GNB4: variants seen among roughly 807,000 people sequenced by gnomAD.
GNB4 encodes the protein guanine nucleotide-binding protein subunit beta-4.
A neutral mutation model predicts 45.2 loss-of-function variants in GNB4; 28 were observed. The ratio of observed to expected loss-of-function variants is 0.62; its 90% CI spans 0.46 to 0.85. The LOEUF (loss-of-function observed/expected upper bound fraction) is 0.85, where lower values mean the gene tolerates loss of function less well. Ranked by LOEUF, GNB4 falls within the 40% of genes least tolerant of loss-of-function variation. The pLI, the probability that GNB4 is intolerant of heterozygous loss-of-function variation, is 0.00. For missense variants in GNB4, 321 were observed against 425.4 expected, an observed-to-expected ratio of 0.75 and a Z score of 2.16; for synonymous variants, 132 against 143.7, an observed-to-expected ratio of 0.92 and a Z score of 0.58.
At chr3:179,438,220 A>C (rs1052079872) in intron 1 of GNB4, among the ~76,000 whole-genome samples, 48 of 152,262 alleles carry the variant, frequency 3.2e-4, no homozygotes, top group African/African-American at 1.1e-3. Flanking sequence ...TTCTCAAAAC[A>C]ACCTCAGAAG....
chr3:179,450,202 C>T (rs1344739072), intron 1 of GNB4, among the ~76,000 whole-genome samples: 1 of 152,128 alleles, frequency 6.6e-6, no homozygotes, highest in Non-Finnish European at 1.5e-5. Context: ...CTGAAATATA[C>T]AGTAAATTTT....
chr3:179,498,969 A>G, the GNB4 span, among the ~76,000 whole-genome samples: 1 of 151,058 alleles, frequency 6.6e-6, no homozygotes, highest in South Asian at 2.1e-4. Context: ...CCCTGTTTCC[A>G]TGGGTTCTCA....
At chr3:179,434,203 G>A (rs896640363) in intron 1 of GNB4, among the ~76,000 whole-genome samples, 2 of 152,078 alleles carry the variant, frequency 1.3e-5, no homozygotes, top group African/African-American at 4.8e-5. Flanking sequence ...ACAATAAACT[G>A]CAACACCAAT....
chr3:179,434,148 A>G (rs1056771880), intron 1 of GNB4, among the ~76,000 whole-genome samples: 2 of 152,222 alleles, frequency 1.3e-5, no homozygotes, highest in African/African-American at 4.8e-5. Context: ...TCTATAGTAC[A>G]TGTGCACAGG....
At chr3:179,447,987 T>C (rs1485451528) in intron 1 of GNB4, among the ~76,000 whole-genome samples, 2 of 152,160 alleles carry the variant, frequency 1.3e-5, no homozygotes, top group East Asian at 1.9e-4. Flanking sequence ...GAAGGAGTTA[T>C]CTGTTGCCTG....
the GNB4 span, among the ~76,000 whole-genome samples, chr3:179,518,360 C>T: frequency 6.6e-6 from 1 of 151,980 alleles, no homozygotes; most frequent in Non-Finnish European, 1.5e-5. Context: ...CACATGGTTC[C>T]CTCCTTAGTC....
At chr3:179,416,774 ATGTC>A (rs1254418917) in intron 4 of GNB4, among the ~76,000 whole-genome samples, 10 of 152,246 alleles carry the variant, frequency 6.6e-5, no homozygotes. Context: ...CTGACTAAAA[ATGTC>A]TGGCTATGAT....
intron 9 of GNB4, among the ~76,000 whole-genome samples, chr3:179,401,818 C>G (rs1273261726): frequency 6.6e-6 from 1 of 152,208 alleles, no homozygotes; most frequent in Admixed American, 6.5e-5. Flanking sequence ...CATTTACTTT[C>G]TTATGCTAAT....
the GNB4 span, among the ~76,000 whole-genome samples, chr3:179,520,261 A>T: frequency 6.6e-5 from 10 of 150,898 alleles, no homozygotes; most frequent in Admixed American, 4.6e-4. Flanking sequence ...GTCGAGCCCA[A>T]ATTTCTTCCT....
chr3:179,456,147 CGTCACTGAGGGTG>C (rs1715974391), upstream of GNB4, among the ~76,000 whole-genome samples: 1 of 146,682 alleles, frequency 6.8e-6, no homozygotes, highest in African/African-American at 2.6e-5. Flanking sequence ...GATCTCGCTC[CGTCACTGAGGGTG>C]GAGCGCAGTG....
intron 1 of GNB4, among the ~76,000 whole-genome samples, chr3:179,439,160 A>C (rs967793907): frequency 3.3e-5 from 5 of 152,170 alleles, no homozygotes; most frequent in Non-Finnish European, 7.3e-5. Context: ...GGTGAGTCTG[A>C]AGCTCTCTAG....
chr3:179,522,997 G>A, the GNB4 span, among the ~76,000 whole-genome samples: 1 of 152,138 alleles, frequency 6.6e-6, no homozygotes, highest in Non-Finnish European at 1.5e-5. Flanking sequence ...GGAAGGGAAA[G>A]AGGAGTGGTG....
intron 9 of GNB4, among the ~76,000 whole-genome samples, chr3:179,402,938 C>T (rs891420536): frequency 6.6e-6 from 1 of 152,144 alleles, no homozygotes; most frequent in Non-Finnish European, 1.5e-5. Context: ...AACAGGGTCT[C>T]CTGACTGGAA....
the GNB4 span, among the ~76,000 whole-genome samples, chr3:179,461,062 C>G: frequency 6.6e-6 from 1 of 152,054 alleles, no homozygotes. Flanking sequence ...CTTTCAGCTC[C>G]TCGAGTTCCT....
chr3:179,500,381 TCA>T, the GNB4 span, among the ~76,000 whole-genome samples: 1 of 152,210 alleles, frequency 6.6e-6, no homozygotes, highest in African/African-American at 2.4e-5. Context: ...TTGTCAAAGA[TCA>T]GATGGTTGTA....
chr3:179,508,036 CG>C, the GNB4 span, among the ~76,000 whole-genome samples: 1 of 152,080 alleles, frequency 6.6e-6, no homozygotes, highest in Admixed American at 6.6e-5. Flanking sequence ...AGAACAGAAA[CG>C]GAAGTTTGGA....
the GNB4 span, among the ~76,000 whole-genome samples, chr3:179,469,875 C>T: frequency 1.8e-3 from 268 of 152,264 alleles, no homozygotes; most frequent in East Asian, 0.012. Flanking sequence ...CTGAAAGTGA[C>T]GGACGGCATC....
chr3:179,519,510 T>C, the GNB4 span, among the ~76,000 whole-genome samples: 10,227 of 152,136 alleles, frequency 0.067, 834 homozygotes, highest in East Asian at 0.22. Flanking sequence ...GTTGTATTGA[T>C]GGCCAGGCTT....
At chr3:179,516,669 T>C in the GNB4 span, among the ~76,000 whole-genome samples, 1 of 152,188 alleles carries the variant, frequency 6.6e-6, no homozygotes, top group Non-Finnish European at 1.5e-5. Context: ...GAAGAGGTTA[T>C]GAAACAATAA....
Sources: allele counts gnomAD v4.1 joint callset (sites outside exome capture counted in the v4.1 genomes callset), GRCh38; gene constraint gnomAD v4.1.1; transcripts MANE v1.5; gene names NCBI Gene and HGNC (gene_info 2026-07-23, HGNC 2026-07-21).